CRYBG3: variants seen among roughly 807,000 people sequenced by gnomAD.
CRYBG3 encodes the protein very large A-kinase anchor protein.
CRYBG3 carries 127 observed loss-of-function variants against 244.2 expected under a neutral mutation model. The observed-to-expected ratio is 0.52, with a 90% CI of 0.45 to 0.60. The LOEUF (loss-of-function observed/expected upper bound fraction) is 0.60. CRYBG3 is among the 20% of genes least tolerant of loss of function. The probability of loss-of-function intolerance (pLI) is 0.00; values close to 1 mark genes in which losing one functional copy is unlikely to be tolerated. For missense variants in CRYBG3, 3,325 were observed against 3,442.5 expected, an observed-to-expected ratio of 0.97 and a Z score of 0.85; for synonymous variants, 1,132 against 1,195.8, an observed-to-expected ratio of 0.95 and a Z score of 1.10.
chr3:97,905,623 C>T (rs1460861961), intron 15 of CRYBG3, among the ~76,000 whole-genome samples: 1 of 151,516 alleles, frequency 6.6e-6, no homozygotes, highest in African/African-American at 2.4e-5. Flanking sequence ...TGTTTGAGTT[C>T]ATTGTAGATT....
chr3:97,930,872 T>C (rs1462267953), intron 17 of CRYBG3, among the ~76,000 whole-genome samples: 2 of 152,086 alleles, frequency 1.3e-5, no homozygotes, highest in Non-Finnish European at 2.9e-5. Flanking sequence ...CATTTCCTGA[T>C]TTTAAATGGA....
chr3:97,883,769 G>A (rs889982915), intron 7 of CRYBG3, among the ~76,000 whole-genome samples: 5 of 152,190 alleles, frequency 3.3e-5, no homozygotes, highest in African/African-American at 9.7e-5. Context: ...ATTTTACAAA[G>A]TAATAATTAG....
intron 1 of CRYBG3, among the ~76,000 whole-genome samples, chr3:97,842,338 G>A (rs2038831715): frequency 6.6e-6 from 1 of 152,090 alleles, no homozygotes. Context: ...CAAGTTTAGA[G>A]GATCACTTAA....
intron 18 of CRYBG3, 44 bp downstream of exon 18, chr3:97,933,877 A>T: frequency 6.3e-7 from 1 of 1,579,630 alleles, no homozygotes; most frequent in Non-Finnish European, 8.7e-7. Context: ...TTACTGTTTT[A>T]AGACAGAGTT....
chr3:97,874,991 G>A lies in CRYBG3; in HGVS notation c.3797G>A (p.Gly1266Asp), dbSNP rs1257331332. The A allele has an allele frequency of 1.3e-6, 2 of 1,535,958 alleles. No individual in the cohort carries two copies. The highest frequency in any genetic ancestry group is 1.2e-5 in the South Asian group (1 of 84,020). Residue 1266 changes from glycine to aspartate, a missense_variant, in exon 4 of 22, where the codon GGC (glycine) becomes GAC (aspartate). This residue lies in a region of CRYBG3 where 635 missense variants were observed against 771.7 expected (regional missense o/e 0.82). Transcript: ENST00000389622. The stretch of plus-strand genomic sequence containing the variant: ...CAGACAGAGGGTTTGGAAGAGCAAG[G>A]CATGGAAAACATGTCAGAAGTCAAA... ...IQQTEGLEEQGMENMSEVKEK... is the reference protein window; with the variant it reads ...IQQTEGLEEQDMENMSEVKEK...
In CRYBG3 at chr3:97,880,036, A is replaced by G. The variant is rs748536049; in HGVS notation, c.6940A>G (p.Asn2314Asp). Residue 2314 changes from asparagine to aspartate, a missense_variant, in exon 6 of 22, where the codon AAT becomes GAT. By Grantham distance (23) the Asn-to-Asp change is conservative. Around this residue, in one of 4 missense-constraint regions of CRYBG3, gnomAD observed 714 missense variants for 803.6 expected, o/e 0.89. Coordinates refer to ENST00000389622, the MANE Select transcript of CRYBG3 (RefSeq NM_153605.4). ...ESTYKQEVYC[N>D]IPDATSWSFP... The stretch of plus-strand genomic sequence containing the variant: ...TACATATAAACAAGAAGTCTACTGT[A>G]ATATTCCTGATGCTACATCATGGTC... The G allele has an allele frequency of 4.4e-6, 7 of 1,603,492 alleles. No individual in the cohort carries two copies. Among genetic ancestry groups the G allele is most frequent in the Non-Finnish European group, 6.0e-6 (7 of 1,172,408 alleles).
At chr3:97,860,996 C>T (rs994202935) in intron 2 of CRYBG3, among the ~76,000 whole-genome samples, 3 of 152,038 alleles carry the variant, frequency 2.0e-5, no homozygotes, top group African/African-American at 7.2e-5. Context: ...GCCACTTACC[C>T]AGAGCCCTAA....
chr3:97,913,832 CAGA>C (rs1320683728), intron 16 of CRYBG3, among the ~76,000 whole-genome samples: 1 of 152,150 alleles, frequency 6.6e-6, no homozygotes, highest in Non-Finnish European at 1.5e-5. Flanking sequence ...CTTTAAAAAT[CAGA>C]AGATTTTACG....
intron 17 of CRYBG3, among the ~76,000 whole-genome samples, chr3:97,916,838 A>G (rs747762305): frequency 1.2e-4 from 18 of 152,124 alleles, no homozygotes; most frequent in African/African-American, 4.3e-4. Flanking sequence ...ACCAACATGG[A>G]AAGAATAAGT....
chr3:97,873,450 C>G lies in CRYBG3; in HGVS notation c.2256C>G (p.Gly752=). 1 of 1,535,186 alleles carries G rather than the reference C, an allele frequency of 6.5e-7. No homozygotes were observed. The highest frequency in any genetic ancestry group is 8.7e-7 in the Non-Finnish European group (1 of 1,146,614). The change falls in exon 4 of 22, where the codon GGC becomes GGG. Residue 752 remains glycine, a synonymous_variant. Coordinates refer to ENST00000389622, the MANE Select transcript of CRYBG3 (RefSeq NM_153605.4). ...CQVLPGSEAS[G]PHLTGLELLS... ...TTCTTCCAGGTTCTGAAGCCAGTGGCCCTCACTTAACTGGGTTGGAGCTAT... is the reference window on the plus strand; with the variant it reads ...TTCTTCCAGGTTCTGAAGCCAGTGGGCCTCACTTAACTGGGTTGGAGCTAT...
intron 15 of CRYBG3, among the ~76,000 whole-genome samples, chr3:97,906,843 T>C (rs1252946013): frequency 1.3e-5 from 2 of 151,742 alleles, no homozygotes; most frequent in African/African-American, 2.4e-5. Context: ...AGGGAATGCT[T>C]CCAGTTTTTG....
chr3:97,883,393 G>A (rs889880148), intron 7 of CRYBG3, among the ~76,000 whole-genome samples: 1 of 152,056 alleles, frequency 6.6e-6, no homozygotes, highest in Non-Finnish European at 1.5e-5. Flanking sequence ...ATCACTTGTG[G>A]TTTTGTGCTT....
chr3:97,899,812 T>G (rs918919057), intron 14 of CRYBG3, among the ~76,000 whole-genome samples: 3 of 152,204 alleles, frequency 2.0e-5, no homozygotes, highest in African/African-American at 7.2e-5. Flanking sequence ...ATTCATGAAG[T>G]TGTAGAAGAG....
At chr3:97,847,086 G>C (rs965980107) in intron 2 of CRYBG3, among the ~76,000 whole-genome samples, 2 of 152,094 alleles carry the variant, frequency 1.3e-5, no homozygotes, top group Non-Finnish European at 2.9e-5. Context: ...TAAACAACCA[G>C]ATCTCACGAG....
chr3:97,903,932 T>A (rs1276402307), intron 15 of CRYBG3, among the ~76,000 whole-genome samples: 1 of 152,192 alleles, frequency 6.6e-6, no homozygotes, highest in Non-Finnish European at 1.5e-5. Context: ...GATTGAGCCG[T>A]ACCAACATGG....
intron 2 of CRYBG3, among the ~76,000 whole-genome samples, chr3:97,844,095 A>G (rs1559716130): frequency 6.6e-6 from 1 of 152,192 alleles, no homozygotes; most frequent in Non-Finnish European, 1.5e-5. Flanking sequence ...TAAAAACTAT[A>G]TAATGCCCAA....
At chr3:97,865,659 G>A (rs1045647401) in intron 3 of CRYBG3, among the ~76,000 whole-genome samples, 3 of 152,066 alleles carry the variant, frequency 2.0e-5, no homozygotes, top group Admixed American at 6.6e-5. Flanking sequence ...CATTTAAATC[G>A]AGCAGAGTAG....
intron 5 of CRYBG3, 48 bp from the exon 6 acceptor site, chr3:97,879,937 C>A: frequency 3.7e-6 from 4 of 1,069,342 alleles, no homozygotes; most frequent in Non-Finnish European, 5.7e-6. Flanking sequence ...AAAATACATT[C>A]TAAAAATTAG....
Position 97,875,870 on chromosome 3 carries a change from T to C in CRYBG3, c.4676T>C (p.Leu1559Pro). The change falls in exon 4 of 22, where the codon CTG becomes CCG. Residue 1559 changes from leucine to proline, a missense_variant. Leu to Pro is a moderately conservative substitution (Grantham distance 98). This residue lies in a region of CRYBG3 where 635 missense variants were observed against 771.7 expected (regional missense o/e 0.82). Transcript: ENST00000389622. ...AAAAAGGATGCTGAATTGAATATTC[T>C]GAAATATGAGGCAGTCCCTCCTATG... ...TNKKDAELNI[L>P]KYEAVPPMIE... is the part of the protein sequence containing the mutation. 2 of 1,232,032 alleles carry C rather than the reference T, an allele frequency of 1.6e-6. No individual in the cohort carries two copies. The highest frequency in any genetic ancestry group is 2.0e-6 in the Non-Finnish European group (2 of 987,916). The allele number at this position is 1,232,032 out of a possible 1,614,324, so 76.3% of individuals were successfully genotyped here.
Sources: gnomAD v4.1 joint callset for allele counts (sites outside exome capture counted in the v4.1 genomes callset) on GRCh38, gnomAD v4.1.1 for gene constraint, gnomAD v4.1.1 regional missense constraint, MANE v1.5 for transcripts, NCBI Gene and HGNC (gene_info 2026-07-23, HGNC 2026-07-21) for gene names.